Variants in MGAT4C observed in about 807,000 individuals in gnomAD.
The protein encoded by MGAT4C is alpha-1,3-mannosyl-glycoprotein 4-beta-N-acetylglucosaminyltransferase C.
In MGAT4C, 19 loss-of-function variants were observed where a neutral mutation model predicts 40.1. The ratio of observed to expected loss-of-function variants is 0.47; its 90% CI spans 0.33 to 0.70. The LOEUF (loss-of-function observed/expected upper bound fraction) is 0.70. MGAT4C is among the 30% of genes least tolerant of loss of function. The probability of loss-of-function intolerance (pLI) is 0.02; values close to 1 mark genes in which losing one functional copy is unlikely to be tolerated. For synonymous variants in MGAT4C, 181 were observed against 187.1 expected (o/e 0.97, Z 0.27); for missense variants, 491 against 563.2 (o/e 0.87, Z 1.30).
chr12:86,796,234 T>C (rs763121432), intron 1 of MGAT4C, among the ~76,000 whole-genome samples: 1 of 151,824 alleles, frequency 6.6e-6, no homozygotes, highest in Non-Finnish European at 1.5e-5. Flanking sequence ...GTGTTACTAC[T>C]GTGCTTCAAT....
chr12:86,218,012 G>C (rs1249151350), intron 1 of MGAT4C, among the ~76,000 whole-genome samples: 2 of 151,866 alleles, frequency 1.3e-5, no homozygotes, highest in Admixed American at 1.3e-4. Flanking sequence ...AAATTATACA[G>C]TCAAAACTAG....
At chr12:86,154,335 G>A (rs966854868) in intron 1 of MGAT4C, among the ~76,000 whole-genome samples, 14 of 152,216 alleles carry the variant, frequency 9.2e-5, no homozygotes, top group Admixed American at 2.0e-4. Context: ...TGAGATGTTC[G>A]TTAATGCTGT....
intron 1 of MGAT4C, among the ~76,000 whole-genome samples, chr12:86,166,701 C>T (rs1404923261): frequency 1.3e-5 from 2 of 152,120 alleles, no homozygotes; most frequent in South Asian, 2.1e-4. Flanking sequence ...TATGGTTAGA[C>T]ATTTCTTAAC....
At chr12:86,596,891 A>G (rs977223465) in intron 2 of MGAT4C, among the ~76,000 whole-genome samples, 3 of 152,122 alleles carry the variant, frequency 2.0e-5, no homozygotes, top group East Asian at 3.9e-4. Flanking sequence ...TAGAGGCCCC[A>G]AAAAAGCTTA....
intron 1 of MGAT4C, among the ~76,000 whole-genome samples, chr12:86,768,566 C>A (rs2136164506): frequency 6.6e-6 from 1 of 151,766 alleles, no homozygotes; most frequent in African/African-American, 2.4e-5. Context: ...CCAAGTCAAT[C>A]CTAAGCCAAA....
chr12:86,724,619 C>T (rs911969952), intron 2 of MGAT4C, among the ~76,000 whole-genome samples: 61 of 152,250 alleles, frequency 4.0e-4, no homozygotes, highest in African/African-American at 1.4e-3. Context: ...CATATTGGTT[C>T]ATTCATGTGA....
At position 86,049,654 on chromosome 12, in the gene MGAT4C, T is replaced by C; in HGVS notation, c.-7+20A>G. 2.1e-6 allele frequency: 2 copies of C among 973,876 alleles called. No individual in the cohort carries two copies. The highest frequency in any genetic ancestry group is 1.2e-6 in the Non-Finnish European group (1 of 819,136). The allele number at this position is 973,876 out of a possible 1,614,324, so 60.3% of individuals were successfully genotyped here. On this transcript the variant is annotated intron_variant, in intron 2 of 4. Coordinates refer to ENST00000611864, the MANE Select transcript of MGAT4C (RefSeq NM_001351288.2). ...AGTGTAGTACCTTAGAATACTACCA[T>C]GAATGACATAGAATCTCACCTTAAG...
chr12:86,724,689 T>A (rs1412979458), intron 2 of MGAT4C, among the ~76,000 whole-genome samples: 1 of 152,220 alleles, frequency 6.6e-6, no homozygotes, highest in Non-Finnish European at 1.5e-5. Context: ...TTTGGTGAAA[T>A]GTCATGTTAT....
intron 3 of MGAT4C, among the ~76,000 whole-genome samples, chr12:85,986,087 T>A (rs1467788301): frequency 6.6e-6 from 1 of 152,204 alleles, no homozygotes; most frequent in African/African-American, 2.4e-5. Flanking sequence ...GAAATGGAAC[T>A]TACATGAAAT....
In MGAT4C at chr12:86,348,624, G is replaced by A. The variant is rs141074034; in HGVS notation, c.-119-14497C>T. ...TCTGGGGATAGAATTTCAGAATTTC[G>A]AAGGCCTTGCATCACCATCTTTTGA... On this transcript the variant is annotated intron_variant, in intron 3 of 7. Coordinates refer to the MGAT4C transcript ENST00000548651. Among the ~76,000 whole-genome samples the A allele has an allele frequency of 8.5e-4, 129 of 152,228 alleles. 2 individuals carry two copies. In the East Asian group the frequency reaches 0.024, roughly 28 times the overall value.
chr12:86,682,742 C>CA (rs1169461691), intron 2 of MGAT4C, among the ~76,000 whole-genome samples: 1 of 151,946 alleles, frequency 6.6e-6, no homozygotes, highest in African/African-American at 2.4e-5. Context: ...TAAATGATTC[C>CA]ACAGCCCATG....
intron 1 of MGAT4C, among the ~76,000 whole-genome samples, chr12:86,774,341 GTCTC>G (rs1349617693): frequency 7.2e-5 from 1 of 13,820 alleles, no homozygotes. Flanking sequence ...CTTTCTTTCT[GTCTC>G]TCTCTCTCCC....
At chr12:86,489,906 A>G (rs1958098451) in intron 2 of MGAT4C, among the ~76,000 whole-genome samples, 1 of 152,218 alleles carries the variant, frequency 6.6e-6, no homozygotes, top group South Asian at 2.1e-4. Flanking sequence ...AAAGCATCCA[A>G]GAAATATGGG....
At chr12:86,613,020 A>G (rs1040899922) in intron 2 of MGAT4C, among the ~76,000 whole-genome samples, 3 of 152,164 alleles carry the variant, frequency 2.0e-5, no homozygotes, top group Non-Finnish European at 4.4e-5. Context: ...GAATGATTGT[A>G]TCTAAAATTC....
At chr12:86,247,807 GT>G (rs1952095940) in intron 1 of MGAT4C, among the ~76,000 whole-genome samples, 1 of 152,130 alleles carries the variant, frequency 6.6e-6, no homozygotes. Flanking sequence ...AAGCATACTA[GT>G]TTTGTTATTA....
At chr12:86,059,831 C>T (rs1893762882) in intron 1 of MGAT4C, among the ~76,000 whole-genome samples, 1 of 152,178 alleles carries the variant, frequency 6.6e-6, no homozygotes, top group African/African-American at 2.4e-5. Flanking sequence ...TAACACAAGA[C>T]TCTAACACCG....
chr12:86,779,403 T>G (rs7958041), intron 1 of MGAT4C, among the ~76,000 whole-genome samples: 1 of 151,772 alleles, frequency 6.6e-6, no homozygotes, highest in African/African-American at 2.4e-5. Flanking sequence ...GAGACCAGCC[T>G]GAGCAGCATA....
chr12:86,508,996 C>T (rs1374687947), intron 2 of MGAT4C, among the ~76,000 whole-genome samples: 1 of 151,778 alleles, frequency 6.6e-6, no homozygotes, highest in East Asian at 1.9e-4. Flanking sequence ...AAAATTTTCT[C>T]CCATTTTGTA....
intron 1 of MGAT4C, among the ~76,000 whole-genome samples, chr12:86,125,885 A>C (rs1720582567): frequency 6.6e-6 from 1 of 152,098 alleles, no homozygotes; most frequent in Non-Finnish European, 1.5e-5. Flanking sequence ...TGAGTCTGAA[A>C]ATTTCTATTG....
Sources: allele counts gnomAD v4.1 joint callset (sites outside exome capture counted in the v4.1 genomes callset), GRCh38; gene constraint gnomAD v4.1.1; transcripts MANE v1.5; gene names NCBI Gene and HGNC (gene_info 2026-07-23, HGNC 2026-07-21).